Variants in LPP observed in about 807,000 individuals in gnomAD.
LPP encodes LIM domain containing preferred translocation partner in lipoma, also known as lipoma-preferred partner.
Under a neutral mutation model 60.4 loss-of-function variants are expected in LPP, and 38 were observed. The ratio of observed to expected loss-of-function variants is 0.63; its 90% CI spans 0.49 to 0.83. LPP has a LOEUF of 0.83. Ranked by LOEUF, LPP falls within the 40% of genes least tolerant of loss-of-function variation. LPP has a pLI of 0.00. For synonymous variants in LPP, 328 were observed against 290.8 expected, an observed-to-expected ratio of 1.13 and a Z score of -1.30; for missense variants, 902 against 783.6, an observed-to-expected ratio of 1.15 and a Z score of -1.80.
intron 4 of LPP, among the ~76,000 whole-genome samples, chr3:188,426,860 G>T (rs572075490): frequency 1.3e-5 from 2 of 152,188 alleles, no homozygotes; most frequent in African/African-American, 4.8e-5. Flanking sequence ...CATGTGAGAT[G>T]GATCTCTTGA....
intron 4 of LPP, among the ~76,000 whole-genome samples, chr3:188,462,587 CATGT>C (rs1201640694): frequency 0.05 from 2,179 of 43,160 alleles, 142 homozygotes; most frequent in African/African-American, 0.087. Context: ...TATATATATG[CATGT>C]GTGTGTGTGT....
chr3:188,623,487 A>T (rs1037674637), intron 7 of LPP, among the ~76,000 whole-genome samples: 1 of 152,048 alleles, frequency 6.6e-6, no homozygotes, highest in African/African-American at 2.4e-5. Context: ...CGAACTCCTA[A>T]CCTCAAGTGG....
intron 6 of LPP, among the ~76,000 whole-genome samples, chr3:188,548,337 G>A (rs1827204815): frequency 6.6e-6 from 1 of 152,174 alleles, no homozygotes; most frequent in Admixed American, 6.5e-5. Flanking sequence ...ATTCCGTGGT[G>A]ATTCCTTTTC....
intron 6 of LPP, among the ~76,000 whole-genome samples, chr3:188,527,903 T>C (rs1254090738): frequency 1.3e-5 from 2 of 152,120 alleles, no homozygotes; most frequent in African/African-American, 4.8e-5. Context: ...ACAGTGTTTC[T>C]GGCTGCAGTA....
chr3:188,417,876 G>A (rs938238269), intron 4 of LPP, among the ~76,000 whole-genome samples: 8 of 152,102 alleles, frequency 5.3e-5, no homozygotes, highest in South Asian at 2.1e-4. Context: ...AAACACACAC[G>A]CTTAAGAATG....
chr3:188,482,243 T>G (rs546711617), intron 4 of LPP, among the ~76,000 whole-genome samples: 17 of 152,326 alleles, frequency 1.1e-4, no homozygotes, highest in African/African-American at 4.1e-4. Flanking sequence ...TCTTCTTCTT[T>G]ATAAATTGCC....
chr3:188,249,294 G>C (rs1178302813), intron 2 of LPP, among the ~76,000 whole-genome samples: 1 of 152,020 alleles, frequency 6.6e-6, no homozygotes, highest in Non-Finnish European at 1.5e-5. Flanking sequence ...CTACTCAGGA[G>C]GCTGAGGTGG....
intron 6 of LPP, among the ~76,000 whole-genome samples, chr3:188,586,566 G>A (rs1211502391): frequency 6.6e-6 from 1 of 152,176 alleles, no homozygotes; most frequent in Non-Finnish European, 1.5e-5. Flanking sequence ...TATTAATTGT[G>A]TGTGAGGGTC....
intron 4 of LPP, among the ~76,000 whole-genome samples, chr3:188,441,511 C>G (rs1002021280): frequency 6.6e-6 from 1 of 151,706 alleles, no homozygotes; most frequent in Non-Finnish European, 1.5e-5. Flanking sequence ...ATTACTAGTC[C>G]CTGGAAGGTA....
At chr3:188,800,734 T>G (rs1309641067) in intron 9 of LPP, among the ~76,000 whole-genome samples, 1 of 152,222 alleles carries the variant, frequency 6.6e-6, no homozygotes, top group East Asian at 1.9e-4. Context: ...TTTAAATTTT[T>G]GCCAAGAAGA....
At chr3:188,315,626 C>A (rs992765128) in intron 2 of LPP, among the ~76,000 whole-genome samples, 1 of 151,982 alleles carries the variant, frequency 6.6e-6, no homozygotes, top group Non-Finnish European at 1.5e-5. Context: ...AATCCCAGAC[C>A]CATTAGAATG....
intron 8 of LPP, among the ~76,000 whole-genome samples, chr3:188,723,894 G>T (rs925491114): frequency 3.3e-5 from 5 of 151,812 alleles, no homozygotes; most frequent in African/African-American, 1.2e-4. Flanking sequence ...TACTAAGATG[G>T]GAGAGCACAT....
At chr3:188,253,938 A>G (rs1327125653) in intron 2 of LPP, among the ~76,000 whole-genome samples, 2 of 152,138 alleles carry the variant, frequency 1.3e-5, no homozygotes, top group African/African-American at 4.8e-5. Flanking sequence ...CAAACTGCCC[A>G]TGTTTCACTG....
rs11441027 is a variant in LPP at position 188,289,996 on chromosome 3, G to GTT, written c.-66-51658_-66-51657dup. ...TTGGAAGTGCTCATAAACATGCAGG[G>GTT]TTTTTTTTTTGAGACGGAGTCTTAC... is the stretch of plus-strand genomic sequence containing the variant. On this transcript the variant is annotated intron_variant, in intron 2 of 11. Transcript: ENST00000617246. Among the ~76,000 whole-genome samples, 12 of 149,266 alleles carry GTT rather than the reference G, an allele frequency of 8.0e-5. 1 individual carries two copies. The highest frequency in any genetic ancestry group is 5.4e-4 in the Admixed American group (8 of 14,946).
intron 2 of LPP, chr3:188,239,780 A>T (rs540330056): frequency 4.6e-6 from 1 of 215,984 alleles, no homozygotes; most frequent in African/African-American, 2.2e-5. Context: ...CACTATTAGT[A>T]TTGATTGCGC....
chr3:188,785,677 T>C (rs113235754), intron 9 of LPP, among the ~76,000 whole-genome samples: 20 of 151,638 alleles, frequency 1.3e-4, no homozygotes, highest in Non-Finnish European at 2.4e-4. Flanking sequence ...AACATGCTTG[T>C]GCAAGTATCT....
At chr3:188,245,052 A>G (rs1726386164) in intron 2 of LPP, among the ~76,000 whole-genome samples, 1 of 152,030 alleles carries the variant, frequency 6.6e-6, no homozygotes, top group Admixed American at 6.6e-5. Context: ...TGCACTCATC[A>G]TTCTAGGCTT....
intron 5 of LPP, among the ~76,000 whole-genome samples, chr3:188,493,729 G>C (rs530491823): frequency 3.4e-4 from 52 of 152,256 alleles, no homozygotes; most frequent in Non-Finnish European, 6.2e-4. Context: ...ACAGGTGTGA[G>C]CCACTGCTCC....
chr3:188,268,920 TC>T (rs1553844973), intron 2 of LPP, among the ~76,000 whole-genome samples: 2 of 123,960 alleles, frequency 1.6e-5, no homozygotes, highest in African/African-American at 5.4e-5. Context: ...AATTATTATG[TC>T]CAGTTTGTTG....
Sources: allele counts gnomAD v4.1 joint callset (sites outside exome capture counted in the v4.1 genomes callset), GRCh38; gene constraint gnomAD v4.1.1; transcripts MANE v1.5; gene names NCBI Gene and HGNC (gene_info 2026-07-23, HGNC 2026-07-21).